Variants in RDX observed in about 807,000 individuals in gnomAD.
RDX encodes radixin.
A neutral mutation model predicts 83.7 loss-of-function variants in RDX; 32 were observed. That is an observed-to-expected ratio of 0.38 (90% CI 0.29 to 0.51). The LOEUF (loss-of-function observed/expected upper bound fraction) is 0.51, where lower values mean the gene tolerates loss of function less well. Among genes scored for constraint, RDX ranks in the 20% least tolerant of loss-of-function variants. RDX has a pLI of 0.87. For missense variants in RDX, 600 were observed against 689.9 expected (o/e 0.87, Z 1.46); for synonymous variants, 229 against 222.7 (o/e 1.03, Z -0.25).
At chr11:110,288,178 C>T (rs141497983) in intron 1 of RDX, 18 of 152,196 alleles carry the variant, frequency 1.2e-4, no homozygotes, top group Non-Finnish European at 1.9e-4. Flanking sequence ...AAATATTCAA[C>T]GTTTGAGTAA....
At chr11:110,270,968 G>C (rs909061685) in intron 3 of RDX, among the ~76,000 whole-genome samples, 1 of 152,028 alleles carries the variant, frequency 6.6e-6, no homozygotes, top group Non-Finnish European at 1.5e-5. Context: ...TCACAAACAG[G>C]AGGCACAGAA....
chr11:110,219,671 C>T (rs1864179167), intron 14 of RDX, among the ~76,000 whole-genome samples: 3 of 151,970 alleles, frequency 2.0e-5, no homozygotes, highest in Admixed American at 2.0e-4. Flanking sequence ...CAAGGTTTTG[C>T]CTAATTAGCT....
At chr11:110,234,550 C>T (rs888228717) in intron 12 of RDX, among the ~76,000 whole-genome samples, 1 of 151,984 alleles carries the variant, frequency 6.6e-6, no homozygotes, top group Admixed American at 6.6e-5. Context: ...CAGTATTTCC[C>T]CTAGTTTATG....
chr11:110,290,830 C>CTTAA (rs1565338949), intron 1 of RDX, among the ~76,000 whole-genome samples: 1 of 151,664 alleles, frequency 6.6e-6, no homozygotes, highest in Non-Finnish European at 1.5e-5. Flanking sequence ...TCAAATAAAA[C>CTTAA]TTTATAAAAA....
At chr11:110,198,036 T>C (rs1863262713) in intron 15 of RDX, among the ~76,000 whole-genome samples, 1 of 152,092 alleles carries the variant, frequency 6.6e-6, no homozygotes. Flanking sequence ...TTCTAAAAGT[T>C]CCCCACCTTA....
intron 2 of RDX, among the ~76,000 whole-genome samples, chr11:110,278,083 T>A (rs1009109574): frequency 1.3e-5 from 2 of 152,208 alleles, no homozygotes; most frequent in East Asian, 3.8e-4. Context: ...GACACCCTTG[T>A]CAAAAATCTA....
intron 14 of RDX, among the ~76,000 whole-genome samples, chr11:110,209,816 TC>T (rs1863764395): frequency 6.9e-6 from 1 of 145,814 alleles, no homozygotes; most frequent in Non-Finnish European, 1.5e-5. Context: ...AGAAAGGACA[TC>T]CACACCAAAA....
At chr11:110,197,947 T>C (rs1591504516) in intron 15 of RDX, among the ~76,000 whole-genome samples, 1 of 152,348 alleles carries the variant, frequency 6.6e-6, no homozygotes, top group African/African-American at 2.4e-5. Flanking sequence ...GGTAGTGTCA[T>C]GAAATATCAG....
At chr11:110,292,294 G>C (rs942351840) in intron 1 of RDX, among the ~76,000 whole-genome samples, 1 of 135,478 alleles carries the variant, frequency 7.4e-6, no homozygotes, top group African/African-American at 2.7e-5. Flanking sequence ...CCCTGTCTTG[G>C]AAAAAAAAAA....
intron 9 of RDX, 73 bp from the exon 10 acceptor site, chr11:110,247,906 GC>G (rs1859176542): frequency 3.4e-6 from 5 of 1,484,626 alleles, no homozygotes; most frequent in Admixed American, 2.1e-5. Flanking sequence ...ATACTACTCT[GC>G]CATAAAAAGT....
rs1864907928 is a variant in RDX at position 110,237,535 on chromosome 11, A to G, written c.1208T>C (p.Ile403Thr). Residue 403 changes from isoleucine to threonine, a missense_variant, in exon 11 of 14, where the codon ATA (isoleucine) becomes ACA (threonine). Coordinates refer to ENST00000645495, the MANE Select transcript of RDX (RefSeq NM_002906.4). ...RRAAEEAKSA[I>T]AKQAADQMKN... ...CATCTGGTCGGCAGCTTGTTTTGCT[A>G]TGGCAGACTTTGCCTCTTCAGCAGC... is the stretch of plus-strand genomic sequence containing the variant. The G allele has an allele frequency of 6.2e-7, 1 of 1,613,188 alleles. No homozygotes were observed.
chr11:110,179,869 G>A (rs920880319), intron 15 of RDX: 23 of 432,866 alleles, frequency 5.3e-5, no homozygotes, highest in Admixed American at 4.1e-4. Flanking sequence ...CAGTGCTCTG[G>A]ACTTTGTTCT....
intron 14 of RDX, among the ~76,000 whole-genome samples, chr11:110,217,307 A>G: frequency 6.6e-6 from 1 of 152,206 alleles, no homozygotes; most frequent in Non-Finnish European, 1.5e-5. Context: ...TCAACCTAGT[A>G]ATACAATTTG....
chr11:110,202,098 A>G (rs569360591), intron 14 of RDX, among the ~76,000 whole-genome samples: 1 of 152,122 alleles, frequency 6.6e-6, no homozygotes, highest in Non-Finnish European at 1.5e-5. Context: ...CACTTTAAAG[A>G]ATCTATTTAT....
intron 14 of RDX, among the ~76,000 whole-genome samples, chr11:110,206,236 G>A (rs998125926): frequency 4.9e-5 from 6 of 123,160 alleles, no homozygotes; most frequent in Admixed American, 9.7e-5. Flanking sequence ...CAGCCTGGAC[G>A]ACAGAGTGAG....
intron 13 of RDX, 83 bp from the exon 14 acceptor site, chr11:110,232,116 T>G: frequency 9.4e-7 from 1 of 1,062,070 alleles, no homozygotes; most frequent in African/African-American, 1.6e-5. Context: ...GATGCAAAAA[T>G]ACATATACCA....
In RDX at chr11:110,233,313, C is replaced by A; in HGVS notation, c.1511G>T (p.Gly504Val). The change falls in exon 13 of 14, where the codon GGG becomes GTG. Residue 504 changes from glycine (G) to valine (V), a missense_variant. By Grantham distance (109) the Gly-to-Val change is moderately radical. Coordinates refer to ENST00000645495, the MANE Select transcript of RDX (RefSeq NM_002906.4). Reference sequence around the variant, plus strand: ...TTCCTCGCTTCTATGGTTCATTACCCCTTCATTTGATAATTCAGCACTAGC... The same window carrying A: ...TTCCTCGCTTCTATGGTTCATTACCACTTCATTTGATAATTCAGCACTAGC... ...AEASAELSNE[G>V]VMNHRSEEER... The A allele has an allele frequency of 5.0e-6, 8 of 1,614,086 alleles. No homozygotes were observed. Among genetic ancestry groups the A allele is most frequent in the Non-Finnish European group, 6.8e-6 (8 of 1,180,014 alleles).
intron 5 of RDX, among the ~76,000 whole-genome samples, chr11:110,259,691 C>T (rs539459849): frequency 1.3e-5 from 2 of 152,296 alleles, no homozygotes; most frequent in South Asian, 4.1e-4. Context: ...TGCTGTCTGG[C>T]CTCTGGGCTC....
chr11:110,282,276 A>G (rs1182496504), intron 1 of RDX, among the ~76,000 whole-genome samples: 1 of 152,242 alleles, frequency 6.6e-6, no homozygotes, highest in Non-Finnish European at 1.5e-5. Context: ...TTTTTGAATC[A>G]GTAATACAAT....
Sources: allele counts gnomAD v4.1 joint callset (sites outside exome capture counted in the v4.1 genomes callset), GRCh38; gene constraint gnomAD v4.1.1; transcripts MANE v1.5; gene names NCBI Gene and HGNC (gene_info 2026-07-23, HGNC 2026-07-21).